The following HK1 variants were observed in gnomAD, a reference collection of about 807,000 sequenced individuals.
HK1 encodes hexokinase-1.
HK1 carries 28 observed loss-of-function variants against 91.6 expected under a neutral mutation model. That is an observed-to-expected ratio of 0.31 (90% CI 0.23 to 0.42). The LOEUF (loss-of-function observed/expected upper bound fraction) is 0.42. Ranked by LOEUF, HK1 falls within the 10% of genes least tolerant of loss-of-function variation. The pLI, the probability that HK1 is intolerant of heterozygous loss-of-function variation, is 1.00. For synonymous variants in HK1, 430 were observed against 468.1 expected (o/e 0.92, Z 1.05); for missense variants, 770 against 1,219.8 (o/e 0.63, Z 5.49).
intron 8 of HK1, 29 bp downstream of exon 8, chr10:69,377,118 G>A (rs1310289892): frequency 6.2e-7 from 1 of 1,613,566 alleles, no homozygotes; most frequent in Non-Finnish European, 8.5e-7. Context: ...AGGCTTTCTT[G>A]GGGTGTTGGG....
chr10:69,367,146 G>A (rs1015141788), intron 4 of HK1, among the ~76,000 whole-genome samples: 5 of 152,160 alleles, frequency 3.3e-5, no homozygotes, highest in African/African-American at 1.2e-4. Flanking sequence ...ATGCCCAAGA[G>A]GGGGCATTGT....
chr10:69,314,777 C>G (rs1846553566), upstream of HK1, among the ~76,000 whole-genome samples: 1 of 152,194 alleles, frequency 6.6e-6, no homozygotes, highest in African/African-American at 2.4e-5. Context: ...AAGCGATTCT[C>G]TTGCCTAAGC....
At chr10:69,372,645 C>T (rs925531263) in intron 7 of HK1, among the ~76,000 whole-genome samples, 3 of 152,140 alleles carry the variant, frequency 2.0e-5, no homozygotes, top group South Asian at 4.1e-4. Flanking sequence ...TTGAGGTTTT[C>T]AGAGTGAGCT....
intron 4 of HK1, chr10:69,296,266 C>G (rs763664824): frequency 6.2e-6 from 1 of 160,306 alleles, no homozygotes; most frequent in Non-Finnish European, 1.4e-5. Context: ...TTGCTTCATG[C>G]GAAGGTGGTG....
chr10:69,378,399 A>G (rs1449850787), intron 8 of HK1, among the ~76,000 whole-genome samples: 2 of 151,736 alleles, frequency 1.3e-5, no homozygotes, highest in Admixed American at 6.6e-5. Context: ...ACCAGTTTCT[A>G]TTTGGCATCG....
chr10:69,293,964 C>T (rs2132472570), intron 3 of HK1, among the ~76,000 whole-genome samples: 2 of 149,972 alleles, frequency 1.3e-5, no homozygotes, highest in Admixed American at 6.7e-5. Flanking sequence ...CGGGTTCACG[C>T]CATTCTCCTG....
At chr10:69,389,152 G>A (rs772742864) in intron 13 of HK1, 45 bp from the exon 14 acceptor site, 3 of 1,453,572 alleles carry the variant, frequency 2.1e-6, no homozygotes, top group Non-Finnish European at 2.9e-6. Flanking sequence ...TTCAAGCCAG[G>A]CATAGTGATC....
chr10:69,318,002 C>T, upstream of HK1: 1 of 972,496 alleles, frequency 1.0e-6, no homozygotes, highest in Non-Finnish European at 1.2e-6. Flanking sequence ...GCCCCAAGTC[C>T]CAGTGGGCCT....
chr10:69,401,531 A>G lies in HK1; in HGVS notation c.*396A>G, dbSNP rs1347292128. 2.8e-6 allele frequency: 1 copy of G among 353,628 alleles called. No individual in the cohort carries two copies. The highest frequency in any genetic ancestry group is 5.5e-6 in the Non-Finnish European group (1 of 181,782). The allele number at this position is 353,628 out of a possible 1,614,324, so 21.9% of individuals were successfully genotyped here. A position where few individuals can be genotyped will look rare whatever the true frequency, so the allele number is the denominator to read the frequency against. On this transcript the variant is annotated 3_prime_UTR_variant, in exon 18 of 18. Transcript: ENST00000359426. Reference sequence around the variant, plus strand: ...CCTTGGGGTTCCCCCTCCCTGTGTGAAATGTATTATCACCAGCAGACACTG... The same window carrying G: ...CCTTGGGGTTCCCCCTCCCTGTGTGGAATGTATTATCACCAGCAGACACTG...
chr10:69,394,795 C>T (rs890176164), intron 15 of HK1, among the ~76,000 whole-genome samples, 155 bp from the exon 16 acceptor site: 1 of 152,122 alleles, frequency 6.6e-6, no homozygotes, highest in Non-Finnish European at 1.5e-5. Flanking sequence ...CTGGTCCTCC[C>T]ACTCTGCCTC....
chr10:69,316,797 C>G (rs7084213), upstream of HK1, among the ~76,000 whole-genome samples: 10,379 of 152,298 alleles, frequency 0.068, 825 homozygotes, highest in African/African-American at 0.19. Flanking sequence ...CCAGGCCCTG[C>G]GCTTGTGTAG....
rs371414848 is a variant in HK1, at chr10:69,353,327, G to A, written c.227-6570G>A. Reference sequence around the variant, plus strand: ...AAACAGGCCAGGTATGATGGCTCACGCCTGTAATCCCAGCATTTTGGGAGG... The same window carrying A: ...AAACAGGCCAGGTATGATGGCTCACACCTGTAATCCCAGCATTTTGGGAGG... On this transcript the variant is annotated intron_variant, in intron 2 of 17. Coordinates refer to ENST00000359426, the MANE Select transcript of HK1 (RefSeq NM_000188.3). Among the ~76,000 whole-genome samples, 6 of 152,326 alleles carry A rather than the reference G, an allele frequency of 3.9e-5. No homozygotes were observed. In the East Asian group the frequency reaches 1.2e-3, roughly 29 times the overall value.
intron 1 of HK1, among the ~76,000 whole-genome samples, chr10:69,336,383 G>T (rs1349617892): frequency 6.6e-6 from 1 of 151,680 alleles, no homozygotes; most frequent in Non-Finnish European, 1.5e-5. Flanking sequence ...TAGAGACAGG[G>T]TTTCTCCATG....
chr10:69,379,548 T>C (rs1036734315), intron 8 of HK1, among the ~76,000 whole-genome samples: 2 of 152,250 alleles, frequency 1.3e-5, no homozygotes, highest in African/African-American at 4.8e-5. Flanking sequence ...CTGAGCCTCA[T>C]GAGCCCTGGG....
chr10:69,385,180 C>G (rs1033122089), intron 12 of HK1, among the ~76,000 whole-genome samples: 1 of 152,216 alleles, frequency 6.6e-6, no homozygotes, highest in African/African-American at 2.4e-5. Flanking sequence ...TTCTGTGCCC[C>G]CTGTTCATTT....
upstream of HK1, chr10:69,317,971 TGGGAAG>T: frequency 1.1e-6 from 1 of 878,090 alleles, no homozygotes. Context: ...ACACGGCACC[TGGGAAG>T]GGGCGCTGAA....
chr10:69,382,160 G>A (rs1171358832), intron 9 of HK1, among the ~76,000 whole-genome samples: 3 of 152,310 alleles, frequency 2.0e-5, no homozygotes, highest in East Asian at 1.9e-4. Flanking sequence ...AAGCTGAGGC[G>A]GGTGGATAGC....
At chr10:69,294,651 T>G (rs1352595543) in intron 3 of HK1, among the ~76,000 whole-genome samples, 1 of 151,362 alleles carries the variant, frequency 6.6e-6, no homozygotes, top group African/African-American at 2.4e-5. Context: ...AGTTCAGGAG[T>G]TCAAGACCAG....
intron 14 of HK1, among the ~76,000 whole-genome samples, chr10:69,389,855 T>G (rs4746849): frequency 0.17 from 25,254 of 152,222 alleles, 2,275 homozygotes; most frequent in Non-Finnish European, 0.2. Flanking sequence ...CTGCAGCTCG[T>G]TGCCTTGTAA....
Sources: allele counts gnomAD v4.1 joint callset (sites outside exome capture counted in the v4.1 genomes callset), GRCh38; gene constraint gnomAD v4.1.1; transcripts MANE v1.5; gene names NCBI Gene and HGNC (gene_info 2026-07-23, HGNC 2026-07-21).